The following MSI2 variants were observed in gnomAD, a reference collection of about 807,000 sequenced individuals.
The protein encoded by MSI2 is musashi RNA binding protein 2.
Under a neutral mutation model 45.6 loss-of-function variants are expected in MSI2, and 17 were observed. The observed-to-expected ratio is 0.37, with a 90% CI of 0.26 to 0.56. MSI2 has a LOEUF of 0.56. MSI2 is among the 20% of genes least tolerant of loss of function. MSI2 has a pLI of 0.77. For missense variants in MSI2, 293 were observed against 444.2 expected (o/e 0.66, Z 3.06); for synonymous variants, 156 against 158.2 (o/e 0.99, Z 0.11).
chr17:57,398,453 G>T (rs1235720089), intron 5 of MSI2, among the ~76,000 whole-genome samples: 2 of 152,220 alleles, frequency 1.3e-5, no homozygotes, highest in Non-Finnish European at 2.9e-5. Flanking sequence ...AAACTATTGG[G>T]AATCTCTGCC....
intron 6 of MSI2, among the ~76,000 whole-genome samples, chr17:57,433,808 G>A (rs996239632): frequency 2.1e-4 from 32 of 152,224 alleles, no homozygotes; most frequent in African/African-American, 6.3e-4. Flanking sequence ...GCGGATTGTG[G>A]TTGTACTGTT....
intron 4 of MSI2, among the ~76,000 whole-genome samples, chr17:57,260,421 T>C (rs1368038423): frequency 6.6e-6 from 1 of 152,196 alleles, no homozygotes; most frequent in Non-Finnish European, 1.5e-5. Flanking sequence ...TTCCAGCTCC[T>C]GGCACCTCCC....
At chr17:57,454,629 G>A (rs367643019) in intron 6 of MSI2, among the ~76,000 whole-genome samples, 64 of 152,014 alleles carry the variant, frequency 4.2e-4, no homozygotes, top group African/African-American at 1.5e-3. Context: ...GTAGAGATGG[G>A]TTTCACTATG....
chr17:57,674,090 A>G (rs2144748272), intron 11 of MSI2, among the ~76,000 whole-genome samples: 1 of 145,996 alleles, frequency 6.8e-6, no homozygotes, highest in Non-Finnish European at 1.5e-5. Flanking sequence ...ATTCCCCCCC[A>G]TCCCTCCCTC....
intron 6 of MSI2, among the ~76,000 whole-genome samples, chr17:57,526,873 A>G (rs950529499): frequency 1.3e-5 from 2 of 152,110 alleles, no homozygotes; most frequent in African/African-American, 4.8e-5. Flanking sequence ...CCCATTGTAC[A>G]GCCGGACTAC....
intron 6 of MSI2, among the ~76,000 whole-genome samples, chr17:57,527,453 C>G (rs2086726658): frequency 1.1e-5 from 1 of 89,600 alleles, no homozygotes; most frequent in Admixed American, 1.3e-4. Context: ...GTGGCCCCAG[C>G]AGGTTACCGT....
chr17:57,507,128 A>T (rs2086246386), intron 6 of MSI2, among the ~76,000 whole-genome samples: 1 of 150,190 alleles, frequency 6.7e-6, no homozygotes, highest in South Asian at 2.1e-4. Context: ...AAGATTTGTT[A>T]AATGAAGAAT....
Position 57,407,792 on chromosome 17 carries a change from C to T in MSI2, c.405+6321C>T, listed in dbSNP as rs2084112323. Among the ~76,000 whole-genome samples the T allele has an allele frequency of 6.6e-6, 1 of 152,218 alleles. No homozygotes were observed. The highest frequency in any genetic ancestry group is 1.5e-5 in the Non-Finnish European group (1 of 68,040). ...ACTTTTGTGTTTAAATTTTCTTCCTCTAATAGCCCAGAACAAAGCCAACAC... is the reference window on the plus strand; with the variant it reads ...ACTTTTGTGTTTAAATTTTCTTCCTTTAATAGCCCAGAACAAAGCCAACAC... On this transcript the variant is annotated intron_variant, in intron 6 of 13. Transcript: ENST00000284073. The surrounding 1 kb of genome is among the most constrained non-coding windows in gnomAD (Gnocchi z 4.1).
At chr17:57,390,934 A>G (rs2083778958) in intron 5 of MSI2, among the ~76,000 whole-genome samples, 1 of 152,126 alleles carries the variant, frequency 6.6e-6, no homozygotes, top group Admixed American at 6.5e-5. Context: ...ATAGTGAAGG[A>G]CTCAGAGGTT....
At chr17:57,614,313 A>G (rs1907467520) in intron 8 of MSI2, among the ~76,000 whole-genome samples, 1 of 152,198 alleles carries the variant, frequency 6.6e-6, no homozygotes, top group Admixed American at 6.5e-5. Flanking sequence ...TTAGCCTCCC[A>G]AAGTGTTGGG....
chr17:57,390,752 C>T (rs1598206330), intron 5 of MSI2, among the ~76,000 whole-genome samples: 1 of 152,230 alleles, frequency 6.6e-6, no homozygotes, highest in East Asian at 1.9e-4. Flanking sequence ...AGGCCTCGTT[C>T]TGGCAGGTGG....
intron 5 of MSI2, among the ~76,000 whole-genome samples, chr17:57,389,846 G>A (rs1400557380): frequency 6.6e-6 from 1 of 152,164 alleles, no homozygotes; most frequent in Non-Finnish European, 1.5e-5. Flanking sequence ...AAATTACCCA[G>A]CTAGGACTCA....
At chr17:57,337,414 A>G (rs1289705455) in intron 5 of MSI2, among the ~76,000 whole-genome samples, 6 of 152,252 alleles carry the variant, frequency 3.9e-5, no homozygotes, top group Admixed American at 3.9e-4. Context: ...TCACAGCTTT[A>G]AAACCATCTG....
chr17:57,675,217 G>A, intron 12 of MSI2, 91 bp downstream of exon 12: 1 of 1,312,272 alleles, frequency 7.6e-7, no homozygotes, highest in Non-Finnish European at 1.1e-6. Flanking sequence ...CCAACATCGG[G>A]GGCAGAGGAG....
intron 6 of MSI2, among the ~76,000 whole-genome samples, chr17:57,430,901 T>C (rs997876349): frequency 2.6e-5 from 4 of 152,236 alleles, no homozygotes; most frequent in African/African-American, 9.6e-5. Flanking sequence ...AGAATCTGCA[T>C]TGGCTGTCCT....
At chr17:57,653,963 G>A (rs1388069926) in intron 11 of MSI2, among the ~76,000 whole-genome samples, 31 of 150,070 alleles carry the variant, frequency 2.1e-4, no homozygotes, top group African/African-American at 6.9e-4. Flanking sequence ...GGGATCAATG[G>A]TGTTTGATTT....
intron 6 of MSI2, among the ~76,000 whole-genome samples, chr17:57,430,889 A>G (rs1434327999): frequency 6.6e-6 from 1 of 152,216 alleles, no homozygotes. Context: ...TTCACTGTTT[A>G]TAGAATCTGC....
intron 5 of MSI2, among the ~76,000 whole-genome samples, chr17:57,327,985 C>G (rs1913945151): frequency 6.6e-6 from 1 of 152,118 alleles, no homozygotes. Context: ...TTTGGCTTCA[C>G]CCCCTATAAT....
intron 7 of MSI2, among the ~76,000 whole-genome samples, chr17:57,579,234 A>G (rs1466830164): frequency 2.6e-5 from 4 of 152,252 alleles, no homozygotes; most frequent in Admixed American, 2.6e-4. Context: ...ACACAAATAA[A>G]TTGAAGTTAC....
Sources: allele counts gnomAD v4.1 joint callset (sites outside exome capture counted in the v4.1 genomes callset), GRCh38; gene constraint gnomAD v4.1.1; non-coding constraint Gnocchi (gnomAD v3.1); transcripts MANE v1.5; gene names NCBI Gene and HGNC (gene_info 2026-07-23, HGNC 2026-07-21).